SRPRB: variants seen among roughly 807,000 people sequenced by gnomAD.
SRPRB encodes SRP receptor subunit beta.
A neutral mutation model predicts 31.9 loss-of-function variants in SRPRB; 20 were observed. The observed-to-expected ratio is 0.63, with a 90% CI of 0.44 to 0.91. The LOEUF is 0.91. Ranked by LOEUF, SRPRB falls within the 40% of genes least tolerant of loss-of-function variation. The pLI is 0.00. For missense variants in SRPRB, 321 were observed against 324.9 expected, an observed-to-expected ratio of 0.99 and a Z score of 0.09; for synonymous variants, 146 against 132.8, an observed-to-expected ratio of 1.10 and a Z score of -0.68.
At chr3:133,813,904 G>C (rs1935317893) in intron 4 of SRPRB, among the ~76,000 whole-genome samples, 1 of 152,190 alleles carries the variant, frequency 6.6e-6, no homozygotes, top group Non-Finnish European at 1.5e-5. Flanking sequence ...TTTCCCCTTG[G>C]GGGTCTTACA....
chr3:133,821,663 T>C (rs1471778295), downstream of SRPRB, among the ~76,000 whole-genome samples: 1 of 152,214 alleles, frequency 6.6e-6, no homozygotes, highest in East Asian at 1.9e-4. Flanking sequence ...TGGTCTCAAA[T>C]GTTAGTGGGC....
chr3:133,810,827 A>C (rs960425188), intron 3 of SRPRB: 12 of 271,544 alleles, frequency 4.4e-5, no homozygotes, highest in Non-Finnish European at 8.4e-5. Flanking sequence ...ACTCCCCCAG[A>C]CAGGTTTTTC....
chr3:133,800,370 A>G (rs183108475), intron 1 of SRPRB, among the ~76,000 whole-genome samples: 1 of 152,332 alleles, frequency 6.6e-6, no homozygotes, highest in East Asian at 1.9e-4. Context: ...AGAGCTGAAT[A>G]AGCTTAGATA....
rs1045361567 is a variant in SRPRB at position 133,818,829 on chromosome 3, C to G, written c.603-724C>G. Among the ~76,000 whole-genome samples, 5 of 123,760 alleles carry G rather than the reference C, an allele frequency of 4.0e-5. No homozygotes were observed. In the Admixed American group the frequency reaches 4.3e-4, roughly 11 times the overall value. 81.2% of individuals were successfully genotyped at this position (123,760 alleles called of 152,430 possible). ...GTGTGTGTGTGTGTGTGTGTTCCTT[C>G]CTAAACAAGGTATTGCTTAGTTTTG... On this transcript the variant is annotated intron_variant, in intron 6 of 6. Coordinates refer to ENST00000678299, the MANE Select transcript of SRPRB (RefSeq NM_001379313.1).
At chr3:133,808,889 CAA>C (rs200185544) in intron 3 of SRPRB, among the ~76,000 whole-genome samples, 12 of 88,270 alleles carry the variant, frequency 1.4e-4, no homozygotes, top group Admixed American at 1.1e-4. Context: ...GACTAAGTCT[CAA>C]AAAAAAAAAA....
intron 1 of SRPRB, chr3:133,789,046 C>G (rs1450861381): frequency 6.6e-6 from 1 of 152,308 alleles, no homozygotes; most frequent in East Asian, 1.9e-4. Flanking sequence ...TGCAAAGCGG[C>G]ACTGGTGCCC....
chr3:133,804,434 G>T (rs1482988830), upstream of SRPRB, among the ~76,000 whole-genome samples: 1 of 152,148 alleles, frequency 6.6e-6, no homozygotes, highest in Admixed American at 6.5e-5. Flanking sequence ...ATTCAGGGGG[G>T]TGTAAAGGAA....
At chr3:133,817,062 T>C in intron 6 of SRPRB, 130 bp downstream of exon 6, 2 of 630,106 alleles carry the variant, frequency 3.2e-6, no homozygotes, top group Non-Finnish European at 4.9e-6. Flanking sequence ...GTGTGATAAA[T>C]ATTTGTTAAA....
downstream of SRPRB, chr3:133,828,044 T>C (rs536822006): frequency 8.4e-5 from 59 of 699,776 alleles, 1 homozygote; most frequent in African/African-American, 9.8e-4. Context: ...GAACACAAGG[T>C]TGCCTGTACC....
Position 133,819,916 on chromosome 3 carries a change from G to A in SRPRB, c.*150G>A. On this transcript the variant is annotated 3_prime_UTR_variant, in exon 7 of 7. Coordinates refer to ENST00000678299, the MANE Select transcript of SRPRB (RefSeq NM_001379313.1). ...ACAAAGTACTGTTGAAACCAGCTTG[G>A]AATTTTTTTTTTTTTTTTTTTTAAG... 2.9e-6 allele frequency: 2 copies of A among 683,962 alleles called. No individual in the cohort carries two copies. 42.4% of individuals were successfully genotyped at this position (683,962 alleles called of 1,614,324 possible).
chr3:133,801,970 G>A (rs1935068754), upstream of SRPRB, among the ~76,000 whole-genome samples: 1 of 150,146 alleles, frequency 6.7e-6, no homozygotes, highest in Non-Finnish European at 1.5e-5. Flanking sequence ...TAAAGCATAC[G>A]GTTAAGTAGA....
intron 2 of SRPRB, among the ~76,000 whole-genome samples, chr3:133,807,249 A>AT (rs60049102): frequency 0.01 from 1,196 of 114,612 alleles, 19 homozygotes; most frequent in Non-Finnish European, 0.014. Flanking sequence ...AAATACCTCC[A>AT]TTTTTTTTTT....
chr3:133,805,690 A>G, upstream of SRPRB: 1 of 855,268 alleles, frequency 1.2e-6, no homozygotes, highest in Non-Finnish European at 1.7e-6. Flanking sequence ...ACGGAGTCCC[A>G]GAGAACTACA....
In SRPRB at chr3:133,820,495, G is replaced by A. The variant is rs1935452317; in HGVS notation, c.*729G>A. 1 of 152,278 alleles carries A rather than the reference G, an allele frequency of 6.6e-6. No homozygotes were observed. The allele number at this position is 152,278 out of a possible 1,614,324, so 9.4% of individuals were successfully genotyped here. On this transcript the variant is annotated 3_prime_UTR_variant, in exon 7 of 7. Transcript: ENST00000678299. ...ATACTGGGAAGTGTGTGGAGATTTA[G>A]GTGCTGCTCTGCTGCTCTGGATGGC...
rs920552609 is a variant in SRPRB at position 133,806,756 on chromosome 3, C to G, written c.249+53C>G. The G allele has an allele frequency of 1.4e-5, 18 of 1,320,336 alleles. No homozygotes were observed. In the Middle Eastern group the frequency reaches 2.4e-3, roughly 176 times the overall value. 81.8% of individuals were successfully genotyped at this position (1,320,336 alleles called of 1,614,324 possible). ...AAGCTTAATAGAAAATTTTATAGAT[C>G]CCAGTATTCCTGTCATCTCACGGTT... On this transcript the variant is annotated intron_variant, in intron 2 of 6. Coordinates refer to ENST00000678299, the MANE Select transcript of SRPRB (RefSeq NM_001379313.1).
chr3:133,800,690 G>C (rs1935048562), intron 1 of SRPRB, among the ~76,000 whole-genome samples: 3 of 152,196 alleles, frequency 2.0e-5, no homozygotes. Flanking sequence ...AAATTTGGTA[G>C]GCTAGGGTGA....
At chr3:133,790,079 C>T (rs1231536901) in intron 1 of SRPRB, 1 of 151,998 alleles carries the variant, frequency 6.6e-6, no homozygotes, top group Non-Finnish European at 1.5e-5. Flanking sequence ...TTTCGGTTTA[C>T]AGAGGTAATC....
Position 133,809,884 on chromosome 3 carries a change from G to A in SRPRB, c.328-1233G>A, listed in dbSNP as rs1200603321. Among the ~76,000 whole-genome samples the A allele has an allele frequency of 2.6e-5, 4 of 151,468 alleles. No individual in the cohort carries two copies. In the East Asian group the frequency reaches 7.8e-4, roughly 29 times the overall value. Reference sequence around the variant, plus strand: ...AATTTCTTTTTACTTTTTTATTATGGTTACTGGAATATTTAAAATTACATA... The same window carrying A: ...AATTTCTTTTTACTTTTTTATTATGATTACTGGAATATTTAAAATTACATA... On this transcript the variant is annotated intron_variant, in intron 3 of 6. Transcript: ENST00000678299.
intron 1 of SRPRB, among the ~76,000 whole-genome samples, chr3:133,800,303 C>A (rs1935042404): frequency 6.6e-6 from 1 of 152,212 alleles, no homozygotes; most frequent in African/African-American, 2.4e-5. Context: ...TATGCCTACA[C>A]CTGAAAAATG....
Sources: allele counts gnomAD v4.1 joint callset (sites outside exome capture counted in the v4.1 genomes callset), GRCh38; gene constraint gnomAD v4.1.1; transcripts MANE v1.5; gene names NCBI Gene and HGNC (gene_info 2026-07-23, HGNC 2026-07-21).